The following IMPG1 variants were observed in gnomAD, a reference collection of about 807,000 sequenced individuals.
The protein encoded by IMPG1 is interphotoreceptor matrix proteoglycan 1, also known as interphotoreceptor matrix proteoglycan of 150 kDa.
In IMPG1, 85 loss-of-function variants were observed where a neutral mutation model predicts 92.0. The ratio of observed to expected loss-of-function variants is 0.92; its 90% confidence interval spans 0.78 to 1.11. The LOEUF (loss-of-function observed/expected upper bound fraction) is 1.11, where lower values mean the gene tolerates loss of function less well. IMPG1 is among the 50% of genes least tolerant of loss of function. IMPG1 has a pLI of 0.00. For synonymous variants in IMPG1, 367 were observed against 334.1 expected (o/e 1.10, Z -1.08); for missense variants, 1,022 against 956.0 (o/e 1.07, Z -0.91).
chr6:76,056,504 C>CA (rs1275063620), intron 1 of IMPG1, among the ~76,000 whole-genome samples: 3 of 151,988 alleles, frequency 2.0e-5, no homozygotes, highest in African/African-American at 7.3e-5. Flanking sequence ...CATGGAAGCA[C>CA]AGATATCTAT....
chr6:76,032,463 A>G (rs1327795992), intron 4 of IMPG1, among the ~76,000 whole-genome samples: 1 of 152,208 alleles, frequency 6.6e-6, no homozygotes. Flanking sequence ...TAAAATCTAT[A>G]AAAGAGTGGC....
At chr6:76,020,491 G>T (rs550988522) in intron 6 of IMPG1, among the ~76,000 whole-genome samples, 1 of 152,304 alleles carries the variant, frequency 6.6e-6, no homozygotes, top group East Asian at 1.9e-4. Context: ...TGAACTTTGT[G>T]CCTTTGCCCT....
At chr6:75,978,093 C>T (rs1056287166) in intron 12 of IMPG1, among the ~76,000 whole-genome samples, 3 of 151,986 alleles carry the variant, frequency 2.0e-5, no homozygotes, top group African/African-American at 7.2e-5. Flanking sequence ...CCATTATGAT[C>T]CCCAAAGGTT....
chr6:75,930,803 T>G, intron 15 of IMPG1, 150 bp downstream of exon 15: 1 of 698,230 alleles, frequency 1.4e-6, no homozygotes, highest in Non-Finnish European at 2.4e-6. Context: ...CCATGTTGTT[T>G]TAACAGGCCC....
At chr6:76,047,041 A>T (rs1783955826) in intron 1 of IMPG1, among the ~76,000 whole-genome samples, 2 of 152,202 alleles carry the variant, frequency 1.3e-5, no homozygotes, top group South Asian at 4.1e-4. Flanking sequence ...AATGCACCTC[A>T]CAAGTTTTCT....
chr6:75,940,258 C>T (rs941595523), intron 14 of IMPG1, among the ~76,000 whole-genome samples: 1 of 152,188 alleles, frequency 6.6e-6, no homozygotes, highest in African/African-American at 2.4e-5. Context: ...ATACTTTCAG[C>T]CCTGGCTTTC....
intron 12 of IMPG1, among the ~76,000 whole-genome samples, chr6:75,983,353 G>A (rs1201935919): frequency 6.6e-6 from 1 of 152,140 alleles, no homozygotes; most frequent in Middle Eastern, 3.4e-3. Context: ...AATCAAAATA[G>A]CATGGTACTG....
intron 8 of IMPG1, among the ~76,000 whole-genome samples, chr6:76,009,469 A>G (rs567308615): frequency 4.6e-5 from 7 of 152,364 alleles, no homozygotes; most frequent in Admixed American, 3.9e-4. Flanking sequence ...CCCACAAAAA[A>G]GCAATTTCCT....
At chr6:75,936,504 C>T (rs1390930798) in intron 14 of IMPG1, among the ~76,000 whole-genome samples, 2 of 152,178 alleles carry the variant, frequency 1.3e-5, no homozygotes, top group African/African-American at 2.4e-5. Flanking sequence ...GCTTAATACA[C>T]ATTTGTGGAA....
At chr6:76,032,106 G>A (rs1372854640) in intron 4 of IMPG1, among the ~76,000 whole-genome samples, 1 of 152,152 alleles carries the variant, frequency 6.6e-6, no homozygotes, top group Non-Finnish European at 1.5e-5. Context: ...GGTAAACATA[G>A]CTAATGTAAA....
chr6:76,022,096 C>T lies in IMPG1; in HGVS notation c.666+20G>A, dbSNP rs1783439031. 7.3e-7 allele frequency: 1 copy of T among 1,365,970 alleles called. No homozygotes were observed. 84.6% of individuals were successfully genotyped at this position (1,365,970 alleles called of 1,614,324 possible). On this transcript the variant is annotated intron_variant, in intron 6 of 16. Coordinates refer to ENST00000369950, the MANE Select transcript of IMPG1 (RefSeq NM_001563.4). ...AAAACAGGCACATGAAGAGCTAGAT[C>T]AACTCTAGGAACTTCTTACTGTTGT... is the stretch of plus-strand genomic sequence containing the variant.
At chr6:75,980,424 G>A (rs1373468104) in intron 12 of IMPG1, among the ~76,000 whole-genome samples, 1 of 152,198 alleles carries the variant, frequency 6.6e-6, no homozygotes, top group Non-Finnish European at 1.5e-5. Flanking sequence ...CATCGTTCCT[G>A]GGTGTATCTG....
chr6:75,998,175 T>C (rs1196962874), intron 12 of IMPG1, among the ~76,000 whole-genome samples: 1 of 152,214 alleles, frequency 6.6e-6, no homozygotes, highest in East Asian at 1.9e-4. Flanking sequence ...CTAAGCTTTT[T>C]ACTAGACAGA....
chr6:75,935,081 C>G (rs1243092314), intron 14 of IMPG1: 3 of 465,070 alleles, frequency 6.5e-6, no homozygotes, highest in Non-Finnish European at 1.3e-5. Context: ...TGCGATGAAA[C>G]CTAGTTCTCG....
chr6:76,055,158 T>C (rs921029505), intron 1 of IMPG1, among the ~76,000 whole-genome samples: 6 of 152,004 alleles, frequency 3.9e-5, no homozygotes, highest in African/African-American at 1.4e-4. Context: ...ACATTGGATA[T>C]ATACTGTACT....
In IMPG1 at chr6:75,950,734, G is replaced by A. The variant is rs1300328470; in HGVS notation, c.1652C>T (p.Thr551Ile). 1.2e-6 allele frequency: 2 copies of A among 1,613,998 alleles called. No homozygotes were observed. The highest frequency in any genetic ancestry group is 1.7e-6 in the Non-Finnish European group (2 of 1,179,888). Residue 551 changes from threonine to isoleucine, a missense_variant, in exon 13 of 17, where the codon ACT becomes ATT. Physicochemically the swap from Thr to Ile is moderately conservative, Grantham distance 89. Coordinates refer to ENST00000369950, the MANE Select transcript of IMPG1 (RefSeq NM_001563.4). ...SVPDHFLEDT[T>I]PVSALQYITT... Reference sequence around the variant, plus strand: ...GATATACTGTAAAGCTGAGACAGGAGTGGTATCCTCCAAGAAATGATCTGG... The same window carrying A: ...GATATACTGTAAAGCTGAGACAGGAATGGTATCCTCCAAGAAATGATCTGG...
rs1562335274 is a variant in IMPG1 at position 75,924,703 on chromosome 6, TATAA to T, written c.2244-1001_2244-998del. ...TATATATTATATATAAATAATTATA[TATAA>T]TATATAATATATAATATAATTATAT... On this transcript the variant is annotated intron_variant, in intron 15 of 16. Transcript: ENST00000369950. Among the ~76,000 whole-genome samples, 29 of 4,338 alleles carry T rather than the reference TATAA, an allele frequency of 6.7e-3. 5 individuals are homozygous for T. The highest frequency in any genetic ancestry group is 0.016 in the East Asian group (1 of 64). 2.8% of individuals were successfully genotyped at this position (4,338 alleles called of 152,430 possible). A position where few individuals can be genotyped will look rare whatever the true frequency, so the allele number is the denominator to read the frequency against.
chr6:75,943,841 C>G (rs188024872), intron 14 of IMPG1, among the ~76,000 whole-genome samples: 8 of 152,314 alleles, frequency 5.3e-5, no homozygotes, highest in Admixed American at 5.2e-4. Flanking sequence ...ATTATGGGAC[C>G]ATCCCTTAGT....
chr6:75,964,207 C>T (rs879065418), intron 12 of IMPG1, among the ~76,000 whole-genome samples: 22 of 152,158 alleles, frequency 1.4e-4, no homozygotes, highest in Admixed American at 4.6e-4. Flanking sequence ...TGCAAAAGCA[C>T]GAAGAGAAGG....
Sources: gnomAD v4.1 joint callset for allele counts (sites outside exome capture counted in the v4.1 genomes callset) on GRCh38, gnomAD v4.1.1 for gene constraint, MANE v1.5 for transcripts, NCBI Gene and HGNC (gene_info 2026-07-23, HGNC 2026-07-21) for gene names.